Variants in OSBPL1A observed in about 807,000 individuals in gnomAD.
The protein encoded by OSBPL1A is oxysterol-binding protein-related protein 1.
Under a neutral mutation model 137.1 loss-of-function variants are expected in OSBPL1A, and 80 were observed. The ratio of observed to expected loss-of-function variants is 0.58; its 90% CI spans 0.49 to 0.70. The LOEUF (loss-of-function observed/expected upper bound fraction) is 0.70, where lower values mean the gene tolerates loss of function less well. Ranked by LOEUF, OSBPL1A falls within the 30% of genes least tolerant of loss-of-function variation. The pLI, the probability that OSBPL1A is intolerant of heterozygous loss-of-function variation, is 0.00. For missense variants in OSBPL1A, 970 were observed against 1,129.4 expected (o/e 0.86, Z 2.02); for synonymous variants, 365 against 389.7 (o/e 0.94, Z 0.75).
At position 24,181,407 on chromosome 18, in the gene OSBPL1A, A is replaced by G. The variant is rs114596089; in HGVS notation, c.1678-128T>C. 2,095 of 1,010,720 alleles carry G rather than the reference A, an allele frequency of 2.1e-3. 29 individuals are homozygous for G. The African/African-American group carries it at 0.031, about 15-fold the overall frequency. 62.6% of individuals were successfully genotyped at this position (1,010,720 alleles called of 1,614,324 possible). ...TAGCAACCCATGAAATTTCATCAATATTGGTTCAATTTCACAAATTCTTTC... is the reference window on the plus strand; with the variant it reads ...TAGCAACCCATGAAATTTCATCAATGTTGGTTCAATTTCACAAATTCTTTC... On this transcript the variant is annotated intron_variant, in intron 18 of 27. Transcript: ENST00000319481.
At chr18:24,206,508 C>A (rs1335673010) in intron 17 of OSBPL1A, among the ~76,000 whole-genome samples, 1 of 152,164 alleles carries the variant, frequency 6.6e-6, no homozygotes, top group Non-Finnish European at 1.5e-5. Flanking sequence ...TAACATTTTT[C>A]ATTTAATTAA....
intron 4 of OSBPL1A, among the ~76,000 whole-genome samples, chr18:24,344,252 C>T (rs2091311781): frequency 6.6e-6 from 1 of 152,156 alleles, no homozygotes. Flanking sequence ...GGGTTTGAGA[C>T]CAGCCTGGCC....
At chr18:24,354,748 CAAAAAAAAAAAAA>C (rs59694707) in intron 4 of OSBPL1A, among the ~76,000 whole-genome samples, 3 of 77,074 alleles carry the variant, frequency 3.9e-5, no homozygotes, top group African/African-American at 9.1e-5. Flanking sequence ...CTCAATATAG[CAAAAAAAAAAAAA>C]AAAAAAAAAA....
At position 24,167,349 on chromosome 18, in the gene OSBPL1A, G is replaced by T; in HGVS notation, c.2515C>A (p.Arg839=). 6.2e-7 allele frequency: 1 copy of T among 1,614,136 alleles called. No individual in the cohort carries two copies. The change falls in exon 25 of 28, where the codon CGG becomes AGG. Residue 839 remains arginine (R), a synonymous_variant. Transcript: ENST00000319481. ...GSVLLWRIAP[R]PPNSAQMYNF... is the part of the protein sequence containing the mutation. ...CTCACCTGGGCAGAATTTGGAGGCC[G>T]TGGGGCTATTCGCCATAGAAGAACG...
intron 13 of OSBPL1A, among the ~76,000 whole-genome samples, chr18:24,310,359 C>A (rs1248194726): frequency 6.9e-6 from 1 of 144,202 alleles, no homozygotes; most frequent in East Asian, 2.0e-4. Context: ...GGGGACGAGG[C>A]GGGTGGATCA....
chr18:24,196,991 T>C (rs1359205926), intron 17 of OSBPL1A, among the ~76,000 whole-genome samples: 2 of 152,100 alleles, frequency 1.3e-5, no homozygotes, highest in Non-Finnish European at 2.9e-5. Flanking sequence ...GGCAGCACCA[T>C]CAGGAATGAG....
chr18:24,366,777 A>G, intron 4 of OSBPL1A, 115 bp downstream of exon 4: 4 of 1,030,378 alleles, frequency 3.9e-6, no homozygotes, highest in Non-Finnish European at 5.5e-6. Flanking sequence ...TGGTGTATAC[A>G]TTTTTTTGTG....
chr18:24,307,634 C>T (rs1004631329), intron 13 of OSBPL1A, among the ~76,000 whole-genome samples: 1 of 152,076 alleles, frequency 6.6e-6, no homozygotes, highest in Admixed American at 6.5e-5. Flanking sequence ...CATTTTATGC[C>T]TTGTCCTTTT....
intron 17 of OSBPL1A, among the ~76,000 whole-genome samples, chr18:24,198,447 T>G (rs1460169394): frequency 6.6e-6 from 1 of 152,162 alleles, no homozygotes; most frequent in Non-Finnish European, 1.5e-5. Flanking sequence ...TACTCATTTA[T>G]AAGGAAGTCA....
chr18:24,292,288 T>C (rs1276768534), intron 14 of OSBPL1A, among the ~76,000 whole-genome samples: 2 of 152,104 alleles, frequency 1.3e-5, no homozygotes, highest in Admixed American at 6.5e-5. Context: ...GAGTAGGATA[T>C]AAAAATCAGT....
At chr18:24,374,314 C>T (rs1165992435) in intron 2 of OSBPL1A, among the ~76,000 whole-genome samples, 1 of 152,076 alleles carries the variant, frequency 6.6e-6, no homozygotes, top group East Asian at 1.9e-4. Flanking sequence ...GTTTGCTGCC[C>T]TGGTACAGGA....
At chr18:24,180,622 C>T (rs1308385508) in intron 19 of OSBPL1A, among the ~76,000 whole-genome samples, 1 of 152,154 alleles carries the variant, frequency 6.6e-6, no homozygotes, top group East Asian at 1.9e-4. Context: ...TGCCTGTAAT[C>T]CCAGCACTTT....
chr18:24,198,987 A>G (rs979569978), intron 17 of OSBPL1A, among the ~76,000 whole-genome samples: 1 of 151,738 alleles, frequency 6.6e-6, no homozygotes, highest in Middle Eastern at 3.4e-3. Flanking sequence ...CCTCCCGAGT[A>G]GCTGGGACTA....
Position 24,252,783 on chromosome 18 carries a change from A to G in OSBPL1A, c.1282-13401T>C, listed in dbSNP as rs566422326. Reference sequence around the variant, plus strand: ...AACAACTTTTCAAGACATAGACAGTATAAGACATAAAAAGGAACAAAAGAA... The same window carrying G: ...AACAACTTTTCAAGACATAGACAGTGTAAGACATAAAAAGGAACAAAAGAA... On this transcript the variant is annotated intron_variant, in intron 15 of 27. Coordinates refer to ENST00000319481, the MANE Select transcript of OSBPL1A (RefSeq NM_080597.4). 3.3e-5 allele frequency among the ~76,000 whole-genome samples: 5 copies of G among 152,316 alleles called. No individual in the cohort carries two copies. The East Asian group carries it at 9.6e-4, about 29-fold the overall frequency.
intron 4 of OSBPL1A, among the ~76,000 whole-genome samples, chr18:24,344,187 C>T (rs575305530): frequency 1.3e-5 from 2 of 152,288 alleles, no homozygotes; most frequent in East Asian, 3.9e-4. Context: ...AATAAGCCCA[C>T]GAAGGTAATC....
At chr18:24,178,513 G>A (rs989873276) in intron 20 of OSBPL1A, among the ~76,000 whole-genome samples, 5 of 151,970 alleles carry the variant, frequency 3.3e-5, no homozygotes, top group South Asian at 2.1e-4. Flanking sequence ...GGTTGGTTTC[G>A]AACTCCTGAC....
chr18:24,218,907 C>T (rs566744409), intron 17 of OSBPL1A, among the ~76,000 whole-genome samples: 1 of 152,172 alleles, frequency 6.6e-6, no homozygotes, highest in African/African-American at 2.4e-5. Context: ...TTCAAAACAC[C>T]ATGTTGTACA....
At chr18:24,310,601 C>CAAAAA (rs751767943) in intron 13 of OSBPL1A, among the ~76,000 whole-genome samples, 6 of 52,950 alleles carry the variant, frequency 1.1e-4, no homozygotes, top group Middle Eastern at 9.1e-3. Context: ...GACTCCGTCT[C>CAAAAA]AAAAAAAAAA....
chr18:24,315,096 G>A (rs2090694506), intron 11 of OSBPL1A, among the ~76,000 whole-genome samples: 1 of 152,142 alleles, frequency 6.6e-6, no homozygotes, highest in African/African-American at 2.4e-5. Context: ...AACAAAAGCT[G>A]ACAGACTCCG....
Sources: allele counts gnomAD v4.1 joint callset (sites outside exome capture counted in the v4.1 genomes callset), GRCh38; gene constraint gnomAD v4.1.1; transcripts MANE v1.5; gene names NCBI Gene and HGNC (gene_info 2026-07-23, HGNC 2026-07-21).